Variants in ZNF268 observed in about 807,000 individuals in gnomAD.
ZNF268 encodes the protein zinc finger protein 3.
Under a neutral mutation model 29.3 loss-of-function variants are expected in ZNF268, and 20 were observed. The ratio of observed to expected loss-of-function variants is 0.68; its 90% confidence interval spans 0.48 to 0.99. ZNF268 has a LOEUF of 0.99. Among genes scored for constraint, ZNF268 ranks in the 50% least tolerant of loss-of-function variants. The probability of loss-of-function intolerance (pLI) is 0.00; values close to 1 mark genes in which losing one functional copy is unlikely to be tolerated. For synonymous variants in ZNF268, 429 were observed against 376.9 expected (o/e 1.14, Z -1.60); for missense variants, 1,240 against 1,121.6 (o/e 1.11, Z -1.51).
chr12:133,209,741 AGGCGGAG>A lies in ZNF268; in HGVS notation c.*5213_*5219del, dbSNP rs1365625151. On this transcript the variant is annotated 3_prime_UTR_variant, in exon 6 of 6. Transcript: ENST00000536435. ...CTCAGGAGAATTGCTTGAACTGGAG[AGGCGGAG>A]GTTGCAGTGAGCTGAGATTGTGCCA... 6.6e-6 allele frequency: 1 copy of A among 152,194 alleles called. No homozygotes were observed. Among genetic ancestry groups the A allele is most frequent in the Non-Finnish European group, 1.5e-5 (1 of 68,042 alleles). The allele number at this position is 152,194 out of a possible 1,614,324, so 9.4% of individuals were successfully genotyped here.
At position 133,210,682 on chromosome 12, in the gene ZNF268, T is replaced by G; in HGVS notation, c.*6152T>G. 1 of 370,896 alleles carries G rather than the reference T, an allele frequency of 2.7e-6. No individual in the cohort carries two copies. The highest frequency in any genetic ancestry group is 3.3e-5 in the Admixed American group (1 of 30,240). 23.0% of individuals were successfully genotyped at this position (370,896 alleles called of 1,614,324 possible). A position where few individuals can be genotyped will look rare whatever the true frequency, so the allele number is the denominator to read the frequency against. On this transcript the variant is annotated 3_prime_UTR_variant, in exon 6 of 6. Transcript: ENST00000536435. Reference sequence around the variant, plus strand: ...GTCCTGAGTAGAAGCAAGGTCTGTTTGTCACTGTGGATTCCCCCCTGCCAA... The same window carrying G: ...GTCCTGAGTAGAAGCAAGGTCTGTTGGTCACTGTGGATTCCCCCCTGCCAA...
chr12:133,212,551 A>G lies in ZNF268; in HGVS notation c.*8021A>G, dbSNP rs1031405131. 2.0e-5 allele frequency: 3 copies of G among 149,258 alleles called. No homozygotes were observed. The highest frequency in any genetic ancestry group is 4.5e-5 in the Non-Finnish European group (3 of 67,254). The allele number at this position is 149,258 out of a possible 1,614,324, so 9.2% of individuals were successfully genotyped here. On this transcript the variant is annotated 3_prime_UTR_variant, in exon 6 of 6. Transcript: ENST00000536435. ...TATATACACATATATATACACATAT[A>G]CACATATATATACACATATATATAA...
intron 5 of ZNF268, among the ~76,000 whole-genome samples, chr12:133,196,148 C>T (rs1956590507): frequency 6.6e-6 from 1 of 150,988 alleles, no homozygotes; most frequent in Non-Finnish European, 1.5e-5. Flanking sequence ...ATGGTGAAAC[C>T]CCATCTCTAC....
chr12:133,193,854 G>A (rs1393172595), intron 5 of ZNF268, among the ~76,000 whole-genome samples: 2 of 152,090 alleles, frequency 1.3e-5, no homozygotes, highest in Non-Finnish European at 2.9e-5. Context: ...TCAGAAACTG[G>A]AATCGTCTCT....
rs752717946 is a variant in ZNF268 at position 133,188,083 on chromosome 12, C to T, written c.234+11C>T. 6.8e-5 allele frequency: 106 copies of T among 1,562,390 alleles called. 1 individual carries two copies. The highest frequency in any genetic ancestry group is 8.6e-5 in the Non-Finnish European group (99 of 1,152,466). ...ATCACCAAGTCCTGGGTGAGCTTCT[C>T]ATTTGTTTATTCCTAGTGTTTTCTT... On this transcript the variant is annotated intron_variant, in intron 3 of 5. Transcript: ENST00000536435.
In ZNF268 at chr12:133,210,667, G is replaced by A; in HGVS notation, c.*6137G>A. On this transcript the variant is annotated 3_prime_UTR_variant, in exon 6 of 6. Coordinates refer to ENST00000536435, the MANE Select transcript of ZNF268 (RefSeq NM_003415.3). ...CTCGGGGGTCTCCGGGTCCTGAGTAGAAGCAAGGTCTGTTTGTCACTGTGG... is the reference window on the plus strand; with the variant it reads ...CTCGGGGGTCTCCGGGTCCTGAGTAAAAGCAAGGTCTGTTTGTCACTGTGG... 1 of 360,720 alleles carries A rather than the reference G, an allele frequency of 2.8e-6. No individual in the cohort carries two copies. The highest frequency in any genetic ancestry group is 3.5e-5 in the Admixed American group (1 of 28,204). 22.3% of individuals were successfully genotyped at this position (360,720 alleles called of 1,614,324 possible). A position where few individuals can be genotyped will look rare whatever the true frequency, so the allele number is the denominator to read the frequency against.
In ZNF268 at chr12:133,203,458, A is replaced by G. The variant is rs1395022073; in HGVS notation, c.1772A>G (p.Lys591Arg). 6.5e-7 allele frequency: 1 copy of G among 1,542,308 alleles called. No individual in the cohort carries two copies. The highest frequency in any genetic ancestry group is 8.7e-7 in the Non-Finnish European group (1 of 1,148,538). The change falls in exon 6 of 6, where the codon AAG becomes AGG. Residue 591 changes from lysine to arginine, a missense_variant. Lys to Arg is a conservative substitution (Grantham distance 26). Coordinates refer to ENST00000536435, the MANE Select transcript of ZNF268 (RefSeq NM_003415.3). ...CCTTATGAATGCACCGACTGTGGAA[A>G]GGCTTTTGGTTTAAAGTCACAGCTT... ...EKPYECTDCG[K>R]AFGLKSQLII...
At position 133,182,025 on chromosome 12, in the gene ZNF268, A is replaced by G. The variant is rs944594486; in HGVS notation, c.28A>G (p.Ile10Val). 2.4e-5 allele frequency: 37 copies of G among 1,563,284 alleles called. No homozygotes were observed. The highest frequency in any genetic ancestry group is 1.2e-4 in the African/African-American group (9 of 73,562). Residue 10 changes from isoleucine to valine, a missense_variant, in exon 2 of 6, where the codon ATT (isoleucine) becomes GTT (valine). This residue lies in a region of ZNF268 where 51 missense variants were observed against 51.4 expected (regional missense o/e 0.99). Transcript: ENST00000536435. ...GGCCACCAGGGTCCGGACAGCTTCT[A>G]TTTGGGTGAGTAGGGGTTTTCTTTC... Reference protein sequence around the residue: MATRVRTASIWVPPLQERNS... With the variant: MATRVRTASVWVPPLQERNS...
Position 133,203,876 on chromosome 12 carries a change from G to A in ZNF268, c.2190G>A (p.Gly730=), listed in dbSNP as rs1398583797. 1 of 1,572,234 alleles carries A rather than the reference G, an allele frequency of 6.4e-7. No homozygotes were observed. Among genetic ancestry groups the A allele is most frequent in the African/African-American group, 1.4e-5 (1 of 73,848 alleles). Reference sequence around the variant, plus strand: ...AACCACATGAGTGCAGGGAATGCGGGAAATCCTTTAGTTTCAATTCACAAC... The same window carrying A: ...AACCACATGAGTGCAGGGAATGCGGAAAATCCTTTAGTTTCAATTCACAAC... ...GEKPHECREC[G]KSFSFNSQLI... Residue 730 remains glycine, a synonymous_variant, in exon 6 of 6, where the codon GGG becomes GGA. Coordinates refer to ENST00000536435, the MANE Select transcript of ZNF268 (RefSeq NM_003415.3).
In ZNF268 at chr12:133,197,028, CT is replaced by C. The variant is rs34487541; in HGVS notation, c.457+5039del. 5.8e-3 allele frequency among the ~76,000 whole-genome samples: 806 copies of C among 140,118 alleles called. 2 individuals are homozygous for C. Among genetic ancestry groups the C allele is most frequent in the African/African-American group, 0.014 (533 of 38,410 alleles). 91.9% of individuals were successfully genotyped at this position (140,118 alleles called of 152,430 possible). A position where few individuals can be genotyped will look rare whatever the true frequency, so the allele number is the denominator to read the frequency against. On this transcript the variant is annotated intron_variant, in intron 5 of 5. Transcript: ENST00000536435. ...AGATTTTCTATTCTCTAGATCCTTT[CT>C]TTTTTTTTTTTTTAAATATTATTAT...
rs1317691949 is a variant in ZNF268 at position 133,207,345 on chromosome 12, A to C, written c.*2815A>C. ...TTTGTGAACATAGGTTTAAAAATCCATATTTGTGAACATAGGTTTAAAAAT... is the reference window on the plus strand; with the variant it reads ...TTTGTGAACATAGGTTTAAAAATCCCTATTTGTGAACATAGGTTTAAAAAT... On this transcript the variant is annotated 3_prime_UTR_variant, in exon 6 of 6. Transcript: ENST00000536435. 7.7e-5 allele frequency: 3 copies of C among 38,900 alleles called. No homozygotes were observed. The highest frequency in any genetic ancestry group is 2.3e-4 in the African/African-American group (3 of 13,224). 2.4% of individuals were successfully genotyped at this position (38,900 alleles called of 1,614,324 possible).
intron 2 of ZNF268, among the ~76,000 whole-genome samples, chr12:133,184,101 G>A (rs1199218305): frequency 6.6e-6 from 1 of 150,386 alleles, no homozygotes; most frequent in South Asian, 2.1e-4. Context: ...GATGAGGCCT[G>A]CTTTCTTGTT....
At chr12:133,201,039 C>T (rs767676234) in intron 5 of ZNF268, among the ~76,000 whole-genome samples, 2 of 152,000 alleles carry the variant, frequency 1.3e-5, no homozygotes, top group Non-Finnish European at 2.9e-5. Flanking sequence ...GTTGGTATGA[C>T]TGTAATTCCT....
rs1030253173 is a variant in ZNF268, at chr12:133,205,225, G to T, written c.*695G>T. On this transcript the variant is annotated 3_prime_UTR_variant, in exon 6 of 6. Transcript: ENST00000536435. ...AATTTTGAAGAATTATTTCTTTTAG[G>T]AATCATTTTAAGAAATTTTATTCCA... 2 of 146,102 alleles carry T rather than the reference G, an allele frequency of 1.4e-5. No homozygotes were observed. The highest frequency in any genetic ancestry group is 5.0e-5 in the African/African-American group (2 of 39,794). The allele number at this position is 146,102 out of a possible 1,614,324, so 9.1% of individuals were successfully genotyped here. A position where few individuals can be genotyped will look rare whatever the true frequency, so the allele number is the denominator to read the frequency against.
intron 5 of ZNF268, chr12:133,193,563 G>A (rs1361627799): frequency 1.6e-6 from 1 of 634,498 alleles, no homozygotes; most frequent in Non-Finnish European, 2.8e-6. Context: ...AGAAAGAGGG[G>A]CAAAAAAGGC....
chr12:133,182,098 A>G, intron 2 of ZNF268, 68 bp downstream of exon 2: 3 of 1,478,884 alleles, frequency 2.0e-6, no homozygotes, highest in Non-Finnish European at 2.8e-6. Context: ...CACTCCATCT[A>G]CTCCAGTCTG....
In ZNF268 at chr12:133,204,799, C is replaced by A; in HGVS notation, c.*269C>A. 5.6e-6 allele frequency: 2 copies of A among 356,640 alleles called. No homozygotes were observed. Among genetic ancestry groups the A allele is most frequent in the Non-Finnish European group, 1.0e-5 (2 of 198,270 alleles). The allele number at this position is 356,640 out of a possible 1,614,324, so 22.1% of individuals were successfully genotyped here. On this transcript the variant is annotated 3_prime_UTR_variant, in exon 6 of 6. Coordinates refer to ENST00000536435, the MANE Select transcript of ZNF268 (RefSeq NM_003415.3). ...CATACCTTTTTTTAAAAAGTTCATACAGGTGAGGAACCATGTTAAACGTTG... is the reference window on the plus strand; with the variant it reads ...CATACCTTTTTTTAAAAAGTTCATAAAGGTGAGGAACCATGTTAAACGTTG...
At chr12:133,201,355 T>G (rs555293089) in intron 5 of ZNF268, among the ~76,000 whole-genome samples, 75 of 152,228 alleles carry the variant, frequency 4.9e-4, no homozygotes, top group African/African-American at 1.7e-3. Context: ...TCTTTGATTT[T>G]ATTTTCTATA....
Position 133,210,722 on chromosome 12 carries a change from G to T in ZNF268, c.*6192G>T. 2.4e-6 allele frequency: 1 copy of T among 423,686 alleles called. No individual in the cohort carries two copies. The highest frequency in any genetic ancestry group is 4.8e-6 in the Non-Finnish European group (1 of 207,320). The allele number at this position is 423,686 out of a possible 1,614,324, so 26.2% of individuals were successfully genotyped here. On this transcript the variant is annotated 3_prime_UTR_variant, in exon 6 of 6. Transcript: ENST00000536435. ...CCCCCTGCCAAGGGTCCCCAGGTCAGTCCTGAGGAGAAGGCAGCTCAGTCT... is the reference window on the plus strand; with the variant it reads ...CCCCCTGCCAAGGGTCCCCAGGTCATTCCTGAGGAGAAGGCAGCTCAGTCT...
Sources: allele counts gnomAD v4.1 joint callset (sites outside exome capture counted in the v4.1 genomes callset), GRCh38; gene constraint gnomAD v4.1.1; regional missense constraint gnomAD v4.1.1; transcripts MANE v1.5; gene names NCBI Gene and HGNC (gene_info 2026-07-23, HGNC 2026-07-21).